ATP10D: variants seen among roughly 807,000 people sequenced by gnomAD.
ATP10D encodes the protein ATPase phospholipid transporting 10D (putative).
In ATP10D, 89 loss-of-function variants were observed where a neutral mutation model predicts 144.8. The observed-to-expected ratio is 0.61, with a 90% CI of 0.52 to 0.73. ATP10D has a LOEUF of 0.73. Ranked by LOEUF, ATP10D falls within the 30% of genes least tolerant of loss-of-function variation. ATP10D has a pLI of 0.00. For missense variants in ATP10D, 1,603 were observed against 1,714.8 expected (o/e 0.93, Z 1.15); for synonymous variants, 571 against 615.1 (o/e 0.93, Z 1.06).
At chr4:47,536,130 TG>T in intron 7 of ATP10D, 97 bp downstream of exon 7, 1 of 1,432,084 alleles carries the variant, frequency 7.0e-7, no homozygotes, top group Non-Finnish European at 9.5e-7. Flanking sequence ...TTTGGTAAGG[TG>T]GATTTTGTCA....
intron 9 of ATP10D, among the ~76,000 whole-genome samples, chr4:47,544,578 G>A (rs1476301930): frequency 5.3e-5 from 8 of 152,128 alleles, no homozygotes; most frequent in African/African-American, 1.2e-4. Flanking sequence ...TAAAGTCACC[G>A]AATCCAAATC....
chr4:47,562,982 A>G (rs1719402484), intron 14 of ATP10D, among the ~76,000 whole-genome samples: 2 of 152,210 alleles, frequency 1.3e-5, no homozygotes, highest in South Asian at 4.1e-4. Flanking sequence ...AAAGTCAAGT[A>G]CCACACGTTC....
intron 1 of ATP10D, among the ~76,000 whole-genome samples, chr4:47,490,298 T>C (rs1487208468): frequency 4.6e-5 from 7 of 152,236 alleles, no homozygotes; most frequent in Non-Finnish European, 1.0e-4. Context: ...TGATGTCCTT[T>C]AGCTAGAAAT....
intron 15 of ATP10D, among the ~76,000 whole-genome samples, chr4:47,568,380 T>C (rs761974626): frequency 6.6e-6 from 1 of 152,254 alleles, no homozygotes; most frequent in Non-Finnish European, 1.5e-5. Context: ...ATGCCTGCCA[T>C]GTGTCATGCC....
intron 1 of ATP10D, among the ~76,000 whole-genome samples, chr4:47,497,899 A>G (rs1024685425): frequency 2.6e-5 from 4 of 152,144 alleles, no homozygotes. Flanking sequence ...TAACATTCTG[A>G]GTTTTTTGTT....
At chr4:47,528,596 G>C (rs1717398466) in intron 5 of ATP10D, among the ~76,000 whole-genome samples, 1 of 151,366 alleles carries the variant, frequency 6.6e-6, no homozygotes, top group Non-Finnish European at 1.5e-5. Flanking sequence ...TCACTGTTGT[G>C]AATAGCATGA....
At chr4:47,573,611 A>G (rs553595042) in intron 18 of ATP10D, among the ~76,000 whole-genome samples, 2 of 152,336 alleles carry the variant, frequency 1.3e-5, no homozygotes, top group Admixed American at 1.3e-4. Flanking sequence ...TCTAATCTTC[A>G]GCCTGCTATT....
chr4:47,574,788 G>A (rs913449777), intron 18 of ATP10D, among the ~76,000 whole-genome samples: 1 of 151,806 alleles, frequency 6.6e-6, no homozygotes, highest in African/African-American at 2.4e-5. Context: ...TACAGATCAT[G>A]ACTACTTTCT....
intron 1 of ATP10D, among the ~76,000 whole-genome samples, chr4:47,486,475 A>G (rs947831048): frequency 6.6e-6 from 1 of 152,224 alleles, no homozygotes; most frequent in East Asian, 1.9e-4. Flanking sequence ...CTCCTCATCC[A>G]CCAATATTTA....
intron 15 of ATP10D, 68 bp from the exon 16 acceptor site, chr4:47,568,769 T>TA: frequency 1.5e-6 from 2 of 1,373,716 alleles, no homozygotes; most frequent in Non-Finnish European, 2.0e-6. Flanking sequence ...AAAATGACAA[T>TA]AAAAAATGTA....
In ATP10D at chr4:47,493,844, C is replaced by G. The variant is rs920552867; in HGVS notation, c.-38+8325C>G. 2.8e-4 allele frequency among the ~76,000 whole-genome samples: 43 copies of G among 152,222 alleles called. No homozygotes were observed. In the Middle Eastern group the frequency reaches 0.014, roughly 48 times the overall value. ...GGCAGAATCTGTGTTTTAACAAGCT[C>G]TCTTTGTGATTCTGATCTGTGATAA... On this transcript the variant is annotated intron_variant, in intron 1 of 22. Transcript: ENST00000273859.
At chr4:47,563,844 T>A (rs62298024) in intron 15 of ATP10D, 79 bp downstream of exon 15, 1 of 1,304,930 alleles carries the variant, frequency 7.7e-7, no homozygotes, top group Non-Finnish European at 1.0e-6. Context: ...TATGCAAGGA[T>A]TAAAAAAAAA....
Position 47,557,729 on chromosome 4 carries a change from G to T in ATP10D, c.1890G>T (p.Gln630His). 1.2e-6 allele frequency: 2 copies of T among 1,614,210 alleles called. No homozygotes were observed. The highest frequency in any genetic ancestry group is 8.5e-7 in the Non-Finnish European group (1 of 1,180,024). ...KSLEEIKSLF[Q>H]RWSVRRSSSP... Reference sequence around the variant, plus strand: ...TGGAAGAGATTAAAAGTCTTTTCCAGAGATGGTCTGTCCGAAGATCAAGTT... The same window carrying T: ...TGGAAGAGATTAAAAGTCTTTTCCATAGATGGTCTGTCCGAAGATCAAGTT... The change falls in exon 12 of 23, where the codon CAG becomes CAT. Residue 630 changes from glutamine (Q) to histidine (H), a missense_variant. By Grantham distance (24) the Gln-to-His change is conservative. Transcript: ENST00000273859.
intron 4 of ATP10D, among the ~76,000 whole-genome samples, chr4:47,523,651 A>C (rs567123200): frequency 6.6e-6 from 1 of 152,338 alleles, no homozygotes; most frequent in Non-Finnish European, 1.5e-5. Flanking sequence ...ATATTGACAT[A>C]GGTTTAAATG....
intron 1 of ATP10D, among the ~76,000 whole-genome samples, chr4:47,505,350 C>T (rs1232775038): frequency 1.3e-5 from 2 of 152,212 alleles, no homozygotes; most frequent in Non-Finnish European, 2.9e-5. Flanking sequence ...GGACCAGCAG[C>T]ATCAGTACTA....
chr4:47,500,019 A>C (rs549532483), intron 1 of ATP10D, among the ~76,000 whole-genome samples: 50 of 152,310 alleles, frequency 3.3e-4, no homozygotes, highest in Non-Finnish European at 6.6e-4. Flanking sequence ...TTATTATATC[A>C]CATTTAGAGG....
At chr4:47,545,050 C>A (rs758939647) in intron 9 of ATP10D, among the ~76,000 whole-genome samples, 1 of 152,162 alleles carries the variant, frequency 6.6e-6, no homozygotes, top group Non-Finnish European at 1.5e-5. Context: ...GATTGGATGG[C>A]CACTTTGAAC....
In ATP10D at chr4:47,572,909, A is replaced by G. The variant is rs1452868814; in HGVS notation, c.3278A>G (p.Lys1093Arg). ...AGTGACTTTGCCGTTTCTCAGTTCA[A>G]ACATCTCAGCAAGCTCCTTCTTGTC... Reference protein sequence around the residue: ...MASDFAVSQFKHLSKLLLVHG... With the variant: ...MASDFAVSQFRHLSKLLLVHG... Residue 1093 changes from lysine (K) to arginine (R), a missense_variant, in exon 18 of 23, where the codon AAA (lysine) becomes AGA (arginine). Coordinates refer to ENST00000273859, the MANE Select transcript of ATP10D (RefSeq NM_020453.4). 13 of 1,613,900 alleles carry G rather than the reference A, an allele frequency of 8.1e-6. No individual in the cohort carries two copies. Among genetic ancestry groups the G allele is most frequent in the Non-Finnish European group, 1.1e-5 (13 of 1,180,032 alleles).
intron 5 of ATP10D, among the ~76,000 whole-genome samples, chr4:47,527,024 T>C (rs1717283143): frequency 6.6e-6 from 1 of 152,072 alleles, no homozygotes; most frequent in Non-Finnish European, 1.5e-5. Context: ...AGAAAAAAGC[T>C]AGAAGGCTAA....
Sources: allele counts gnomAD v4.1 joint callset (sites outside exome capture counted in the v4.1 genomes callset), GRCh38; gene constraint gnomAD v4.1.1; transcripts MANE v1.5; gene names NCBI Gene and HGNC (gene_info 2026-07-23, HGNC 2026-07-21).